CRPPA: variants seen among roughly 807,000 people sequenced by gnomAD.
CRPPA encodes the protein CDP-L-ribitol pyrophosphorylase A.
Under a neutral mutation model 52.0 loss-of-function variants are expected in CRPPA, and 43 were observed. That is an observed-to-expected ratio of 0.83 (90% CI 0.65 to 1.07). CRPPA has a LOEUF of 1.07. CRPPA is among the 50% of genes least tolerant of loss of function. The pLI, the probability that CRPPA is intolerant of heterozygous loss-of-function variation, is 0.00. For synonymous variants in CRPPA, 250 were observed against 203.5 expected, an observed-to-expected ratio of 1.23 and a Z score of -1.94; for missense variants, 629 against 551.7, an observed-to-expected ratio of 1.14 and a Z score of -1.40.
At chr7:16,228,567 T>C in intron 8 of CRPPA, among the ~76,000 whole-genome samples, 1 of 151,924 alleles carries the variant, frequency 6.6e-6, no homozygotes, top group East Asian at 1.9e-4. Context: ...CTCTGGTTGG[T>C]CAGGAGGATG....
intron 8 of CRPPA, chr7:16,248,097 T>C (rs1168873148): frequency 1.3e-5 from 2 of 152,076 alleles, no homozygotes; most frequent in African/African-American, 2.4e-5. Context: ...TCCCAGCACT[T>C]TGGAAGGCAG....
At chr7:16,199,911 G>A (rs939303158) in intron 9 of CRPPA, among the ~76,000 whole-genome samples, 2 of 145,802 alleles carry the variant, frequency 1.4e-5, no homozygotes, top group Non-Finnish European at 3.0e-5. Flanking sequence ...AGGCTGGGGT[G>A]CAATGGTGCG....
intron 2 of CRPPA, among the ~76,000 whole-genome samples, chr7:16,387,044 G>GATATATATATATAT (rs57024916): frequency 4.2e-5 from 4 of 96,012 alleles, no homozygotes; most frequent in African/African-American, 4.8e-5. Flanking sequence ...ATAAAAAAAA[G>GATATATATATATAT]ATATATATAT....
chr7:16,379,458 G>A (rs1787010826), intron 2 of CRPPA, among the ~76,000 whole-genome samples: 1 of 152,190 alleles, frequency 6.6e-6, no homozygotes, highest in South Asian at 2.1e-4. Flanking sequence ...GCTTAGGATT[G>A]ACTTGGCAAT....
intron 9 of CRPPA, among the ~76,000 whole-genome samples, chr7:16,164,894 G>A (rs1296941156): frequency 6.6e-6 from 1 of 152,040 alleles, no homozygotes; most frequent in East Asian, 1.9e-4. Flanking sequence ...TTCCCAGAGG[G>A]GCACCTGCCA....
intron 8 of CRPPA, among the ~76,000 whole-genome samples, chr7:16,251,127 A>G (rs1292077523): frequency 1.3e-5 from 2 of 152,204 alleles, no homozygotes. Context: ...AAAAAATACA[A>G]GGAAGGGCAT....
intron 3 of CRPPA, among the ~76,000 whole-genome samples, chr7:16,316,695 A>G (rs376335484): frequency 4.7e-4 from 71 of 152,106 alleles, no homozygotes; most frequent in African/African-American, 1.7e-3. Context: ...TTCTCTACAA[A>G]AAAGGTAAAA....
chr7:16,199,707 C>G (rs1446535110), intron 9 of CRPPA, among the ~76,000 whole-genome samples: 1 of 152,006 alleles, frequency 6.6e-6, no homozygotes, highest in African/African-American at 2.4e-5. Context: ...CTTGAAGTAT[C>G]TTTACACTGG....
intron 9 of CRPPA, among the ~76,000 whole-genome samples, chr7:16,192,040 G>C (rs528937872): frequency 6.6e-6 from 1 of 152,146 alleles, no homozygotes; most frequent in East Asian, 1.9e-4. Flanking sequence ...TGGTGTTTCT[G>C]ATCTTTCTCT....
At chr7:16,111,274 G>T (rs1782258861) in intron 9 of CRPPA, among the ~76,000 whole-genome samples, 1 of 151,972 alleles carries the variant, frequency 6.6e-6, no homozygotes, top group Admixed American at 6.6e-5. Flanking sequence ...GAAGATAAAA[G>T]ATAAGAAATG....
At chr7:16,182,826 C>G (rs1281428895) in intron 9 of CRPPA, among the ~76,000 whole-genome samples, 1 of 152,132 alleles carries the variant, frequency 6.6e-6, no homozygotes, top group Non-Finnish European at 1.5e-5. Flanking sequence ...TTTACCTAAC[C>G]TGTGCCCCTC....
chr7:16,281,336 TTTG>T (rs1188294774), intron 5 of CRPPA, among the ~76,000 whole-genome samples: 6 of 152,178 alleles, frequency 3.9e-5, no homozygotes, highest in South Asian at 2.1e-4. Flanking sequence ...TAATTTCCTA[TTTG>T]TTGTTATGTA....
intron 3 of CRPPA, among the ~76,000 whole-genome samples, chr7:16,319,459 C>T (rs987133314): frequency 4.6e-5 from 7 of 152,078 alleles, no homozygotes; most frequent in Non-Finnish European, 8.8e-5. Context: ...TTCTGTATCC[C>T]GTGCAGTCTG....
At chr7:16,347,344 T>A (rs1786040427) in intron 3 of CRPPA, among the ~76,000 whole-genome samples, 1 of 152,122 alleles carries the variant, frequency 6.6e-6, no homozygotes, top group African/African-American at 2.4e-5. Flanking sequence ...TATCAGTAAG[T>A]ATATCTTTGT....
intron 9 of CRPPA, among the ~76,000 whole-genome samples, chr7:16,157,165 C>T (rs917517866): frequency 1.4e-5 from 2 of 145,562 alleles, no homozygotes; most frequent in Admixed American, 1.5e-4. Flanking sequence ...GGAAATCTTT[C>T]GGAACACAAA....
At chr7:16,299,984 G>A (rs964320990) in intron 5 of CRPPA, among the ~76,000 whole-genome samples, 1 of 152,144 alleles carries the variant, frequency 6.6e-6, no homozygotes, top group East Asian at 1.9e-4. Context: ...ACCAAACTGA[G>A]TTTTATATTT....
chr7:16,280,319 A>C (rs763459744), intron 5 of CRPPA, among the ~76,000 whole-genome samples: 1 of 152,246 alleles, frequency 6.6e-6, no homozygotes, highest in African/African-American at 2.4e-5. Flanking sequence ...AACTCATAAA[A>C]GCAGTGGCTT....
chr7:16,189,854 G>C (rs1432288730), intron 9 of CRPPA, among the ~76,000 whole-genome samples: 2 of 152,050 alleles, frequency 1.3e-5, no homozygotes, highest in Non-Finnish European at 2.9e-5. Context: ...GTAAATAGCA[G>C]GTTTGAGAAA....
chr7:16,326,016 T>G (rs1022733377), intron 3 of CRPPA, among the ~76,000 whole-genome samples: 15 of 149,384 alleles, frequency 1.0e-4, no homozygotes, highest in Non-Finnish European at 4.4e-5. Context: ...TAAAAAAGAT[T>G]AGAATGTTTT....
Sources: allele counts gnomAD v4.1 joint callset (sites outside exome capture counted in the v4.1 genomes callset), GRCh38; gene constraint gnomAD v4.1.1; transcripts MANE v1.5; gene names NCBI Gene and HGNC (gene_info 2026-07-23, HGNC 2026-07-21).